The following SLC28A1 variants were observed in gnomAD, a reference collection of about 807,000 sequenced individuals.
SLC28A1 encodes sodium/nucleoside cotransporter 1.
Under a neutral mutation model 74.8 loss-of-function variants are expected in SLC28A1, and 64 were observed. The observed-to-expected ratio is 0.86, with a 90% CI of 0.70 to 1.05. The LOEUF (loss-of-function observed/expected upper bound fraction) is 1.05, where lower values mean the gene tolerates loss of function less well. Ranked by LOEUF, SLC28A1 falls within the 50% of genes least tolerant of loss-of-function variation. The pLI, the probability that SLC28A1 is intolerant of heterozygous loss-of-function variation, is 0.00. For synonymous variants in SLC28A1, 359 were observed against 335.0 expected (o/e 1.07, Z -0.78); for missense variants, 828 against 822.8 (o/e 1.01, Z -0.08).
intron 1 of SLC28A1, 117 bp downstream of exon 1, chr15:84,884,868 T>G: frequency 2.8e-6 from 1 of 358,722 alleles, no homozygotes; most frequent in African/African-American, 2.2e-5. Flanking sequence ...TCACTAGGGC[T>G]TGGCGAAGAC....
intron 9 of SLC28A1, among the ~76,000 whole-genome samples, chr15:84,909,399 A>C (rs1967801419): frequency 1.3e-5 from 2 of 152,212 alleles, no homozygotes; most frequent in Admixed American, 1.3e-4. Context: ...CATTTACTGC[A>C]CTGCAAAATA....
chr15:84,957,002 GT>G, the SLC28A1 span, among the ~76,000 whole-genome samples: 1 of 151,776 alleles, frequency 6.6e-6, no homozygotes, highest in East Asian at 1.9e-4. Flanking sequence ...CATATACCTT[GT>G]TTTTTTGTTT....
In SLC28A1 at chr15:84,935,354, T is replaced by C. The variant is rs780025152; in HGVS notation, c.1417T>C (p.Phe473Leu). 2 of 1,614,226 alleles carry C rather than the reference T, an allele frequency of 1.2e-6. No homozygotes were observed. Among genetic ancestry groups the C allele is most frequent in the Admixed American group, 3.3e-5 (2 of 60,030 alleles). Residue 473 changes from phenylalanine (F) to leucine (L), a missense_variant, in exon 15 of 19, where the codon TTC becomes CTC. Physicochemically the swap from Phe to Leu is conservative, Grantham distance 22 (BLOSUM62 0). Around this residue, in one of 3 missense-constraint regions of SLC28A1, gnomAD observed 767 missense variants for 753.5 expected, o/e 1.02. Transcript: ENST00000394573. ...ICSYILRPVA[F>L]LMGVAWEDCP... Reference sequence around the variant, plus strand: ...CTCCTACATCCTGCGGCCTGTAGCCTTCTTGATGGGTGTGGCGTGGGAGGA... The same window carrying C: ...CTCCTACATCCTGCGGCCTGTAGCCCTCTTGATGGGTGTGGCGTGGGAGGA...
At chr15:84,942,342 G>C (rs1972809608) in intron 15 of SLC28A1, among the ~76,000 whole-genome samples, 1 of 152,084 alleles carries the variant, frequency 6.6e-6, no homozygotes. Context: ...ACTGACTATA[G>C]TCACCCTGTT....
intron 6 of SLC28A1, among the ~76,000 whole-genome samples, 200 bp from the exon 7 acceptor site, chr15:84,903,897 G>A (rs952501855): frequency 8.5e-5 from 13 of 152,212 alleles, no homozygotes; most frequent in Non-Finnish European, 1.2e-4. Context: ...AGAGAGGCAA[G>A]GTGATCTGCC....
At chr15:84,947,426 C>T (rs545923690), downstream of SLC28A1, among the ~76,000 whole-genome samples, 7 of 152,330 alleles carry the variant, frequency 4.6e-5, no homozygotes, top group East Asian at 1.2e-3. Context: ...TCTGGACTCC[C>T]TGCACGCTCA....
rs1365685521 is a variant in SLC28A1, at chr15:84,931,203, G to GCCTGC, written c.1084-1938_1084-1934dup. Among the ~76,000 whole-genome samples, 3 of 151,730 alleles carry GCCTGC rather than the reference G, an allele frequency of 2.0e-5. 1 individual carries two copies. Among genetic ancestry groups the GCCTGC allele is most frequent in the East Asian group, 2.0e-4 (1 of 5,104 alleles). On this transcript the variant is annotated intron_variant, in intron 12 of 18. Coordinates refer to ENST00000394573, the MANE Select transcript of SLC28A1 (RefSeq NM_004213.5). Reference sequence around the variant, plus strand: ...TTACAGGCGTGAGCCACTGTGCCTGGCCTGCCCTCTGCTTTTATCAGCCTG... The same window carrying GCCTGC: ...TTACAGGCGTGAGCCACTGTGCCTGGCCTGCCCTGCCCTCTGCTTTTATCAGCCTG...
intron 15 of SLC28A1, 83 bp from the exon 16 acceptor site, chr15:84,943,355 TAAAATTA>T (rs1210998236): frequency 1.1e-6 from 1 of 902,174 alleles, no homozygotes; most frequent in Non-Finnish European, 1.9e-6. Flanking sequence ...AAGAAGTGGG[TAAAATTA>T]AGGCCAGGGA....
chr15:84,908,591 C>G (rs536681260), intron 8 of SLC28A1, 127 bp from the exon 9 acceptor site: 3 of 763,966 alleles, frequency 3.9e-6, no homozygotes, highest in Admixed American at 4.0e-5. Flanking sequence ...GGTGGTGCCC[C>G]CCCCCGGATA....
intron 12 of SLC28A1, among the ~76,000 whole-genome samples, chr15:84,927,914 AG>A (rs11295796): frequency 1 from 152,277 of 152,278 alleles, 76,138 homozygotes; most frequent in Non-Finnish European, 1. Context: ...ATATTGGGGG[AG>A]GGGGATGCCA....
At chr15:84,909,322 C>T (rs1967791972) in intron 9 of SLC28A1, among the ~76,000 whole-genome samples, 1 of 152,204 alleles carries the variant, frequency 6.6e-6, no homozygotes, top group Non-Finnish European at 1.5e-5. Context: ...AACCTACGAT[C>T]CCACTTTCCC....
chr15:84,884,665 C>T lies in SLC28A1; in HGVS notation c.-219C>T, dbSNP rs942942897. The T allele has an allele frequency of 8.2e-6, 8 of 975,082 alleles. No homozygotes were observed. The highest frequency in any genetic ancestry group is 5.3e-5 in the African/African-American group (3 of 56,998). 60.4% of individuals were successfully genotyped at this position (975,082 alleles called of 1,614,324 possible). A position where few individuals can be genotyped will look rare whatever the true frequency, so the allele number is the denominator to read the frequency against. On this transcript the variant is annotated 5_prime_UTR_variant, in exon 1 of 19. It adds an upstream start codon to the 5' untranslated region. Coordinates refer to ENST00000394573, the MANE Select transcript of SLC28A1 (RefSeq NM_004213.5). ...TTGTTGTAGAGATTAGGGCCCACAA[C>T]GATGTGAAGGTTATAAGCTGCACTG...
chr15:84,905,946 A>C lies in SLC28A1; in HGVS notation c.717+294A>C, dbSNP rs62021368. Among the ~76,000 whole-genome samples, 9 of 109,806 alleles carry C rather than the reference A, an allele frequency of 8.2e-5. No individual in the cohort carries two copies. The East Asian group carries it at 2.2e-3, about 27-fold the overall frequency. 72.0% of individuals were successfully genotyped at this position (109,806 alleles called of 152,430 possible). A position where few individuals can be genotyped will look rare whatever the true frequency, so the allele number is the denominator to read the frequency against. ...TTAAAAGTGCTAAAAAAAAAAACCC[A>C]AATCTGCAAATGATTTACTTCTGTG... On this transcript the variant is annotated intron_variant, in intron 8 of 18. Coordinates refer to ENST00000394573, the MANE Select transcript of SLC28A1 (RefSeq NM_004213.5).
Position 84,945,287 on chromosome 15 carries a change from T to C in SLC28A1, c.*87T>C. 1 of 1,284,852 alleles carries C rather than the reference T, an allele frequency of 7.8e-7. No homozygotes were observed. Among genetic ancestry groups the C allele is most frequent in the Middle Eastern group, 1.8e-4 (1 of 5,464 alleles). 79.6% of individuals were successfully genotyped at this position (1,284,852 alleles called of 1,614,324 possible). A position where few individuals can be genotyped will look rare whatever the true frequency, so the allele number is the denominator to read the frequency against. ...CCCCACCTTCCCTTTCCCAGAGCCC[T>C]CTTCAGGGAAGCCACAGGACTTAGA... On this transcript the variant is annotated 3_prime_UTR_variant, in exon 19 of 19. Transcript: ENST00000394573.
the SLC28A1 span, among the ~76,000 whole-genome samples, chr15:84,972,505 AGAAGG>A: frequency 6.6e-6 from 1 of 152,238 alleles, no homozygotes; most frequent in African/African-American, 2.4e-5. Flanking sequence ...CCAGCATCTT[AGAAGG>A]GGCTAAACAA....
chr15:84,927,844 T>C (rs544675849), intron 12 of SLC28A1, among the ~76,000 whole-genome samples: 1 of 152,282 alleles, frequency 6.6e-6, no homozygotes, highest in East Asian at 1.9e-4. Context: ...GCAGAAGGAA[T>C]TTGATATTTC....
At chr15:84,916,240 C>CAGGCA (rs1555449976) in intron 9 of SLC28A1, among the ~76,000 whole-genome samples, 3 of 98,410 alleles carry the variant, frequency 3.0e-5, no homozygotes, top group East Asian at 2.9e-4. Flanking sequence ...GCTGGGATTA[C>CAGGCA]TTTTTTTTTT....
At chr15:84,918,406 G>A (rs1969395459) in intron 9 of SLC28A1, 118 bp from the exon 10 acceptor site, 1 of 787,570 alleles carries the variant, frequency 1.3e-6, no homozygotes, top group Admixed American at 1.7e-5. Flanking sequence ...GATCCTGTCA[G>A]GCATCTGAGT....
chr15:84,926,246 T>A (rs943528508), intron 12 of SLC28A1, among the ~76,000 whole-genome samples: 7 of 152,048 alleles, frequency 4.6e-5, no homozygotes, highest in Admixed American at 2.6e-4. Flanking sequence ...TTACTCAAGC[T>A]GGAGCACAGT....
Sources: gnomAD v4.1 joint callset for allele counts (sites outside exome capture counted in the v4.1 genomes callset) on GRCh38, gnomAD v4.1.1 for gene constraint, gnomAD v4.1.1 regional missense constraint, MANE v1.5 for transcripts, NCBI Gene and HGNC (gene_info 2026-07-23, HGNC 2026-07-21) for gene names.